MAN2B2: variants seen among roughly 807,000 people sequenced by gnomAD.
MAN2B2 encodes the protein mannosidase alpha class 2B member 2, also known as epididymis-specific alpha-mannosidase.
MAN2B2 carries 106 observed loss-of-function variants against 117.1 expected under a neutral mutation model. The observed-to-expected ratio is 0.90, with a 90% CI of 0.77 to 1.06. The LOEUF is 1.06. Ranked by LOEUF, MAN2B2 falls within the 50% of genes least tolerant of loss-of-function variation. MAN2B2 has a pLI of 0.00. For synonymous variants in MAN2B2, 544 were observed against 595.1 expected, an observed-to-expected ratio of 0.91 and a Z score of 1.25; for missense variants, 1,326 against 1,381.4, an observed-to-expected ratio of 0.96 and a Z score of 0.64.
At chr4:6,613,797 A>G (rs1711708058) in intron 15 of MAN2B2, among the ~76,000 whole-genome samples, 1 of 139,466 alleles carries the variant, frequency 7.2e-6, no homozygotes, top group Non-Finnish European at 1.6e-5. Flanking sequence ...AGAAGGAAGA[A>G]AGGAAGAGGG....
intron 15 of MAN2B2, 130 bp from the exon 16 acceptor site, chr4:6,614,088 G>A: frequency 1.7e-6 from 2 of 1,174,316 alleles, no homozygotes; most frequent in Non-Finnish European, 2.4e-6. Context: ...CTGGTGCGGG[G>A]TAGGCTACCC....
chr4:6,575,956 A>G (rs1726041698), intron 1 of MAN2B2, among the ~76,000 whole-genome samples: 1 of 152,154 alleles, frequency 6.6e-6, no homozygotes, highest in Admixed American at 6.5e-5. Context: ...TCGCTCGGGA[A>G]TAACCCTCAT....
Position 6,610,046 on chromosome 4 carries a change from C to T in MAN2B2, c.2255C>T (p.Ala752Val). The part of the protein sequence containing the change: ...PYVSYVNNSI[A>V]RNYYPMVQSA... Reference sequence around the variant, plus strand: ...GTTTCCTATGTGAACAACAGCATCGCCCGGGTATGTCCTGCAATGCCCACA... The same window carrying T: ...GTTTCCTATGTGAACAACAGCATCGTCCGGGTATGTCCTGCAATGCCCACA... Residue 752 changes from alanine (A) to valine (V), a missense_variant, in exon 13 of 19, where the codon GCC (alanine) becomes GTC (valine). Physicochemically the swap from Ala to Val is moderately conservative, Grantham distance 64. Transcript: ENST00000285599. 1 of 1,614,090 alleles carries T rather than the reference C, an allele frequency of 6.2e-7. No individual in the cohort carries two copies. The highest frequency in any genetic ancestry group is 8.5e-7 in the Non-Finnish European group (1 of 1,179,998).
chr4:6,615,386 C>T (rs1400765756), intron 16 of MAN2B2, among the ~76,000 whole-genome samples: 1 of 152,178 alleles, frequency 6.6e-6, no homozygotes, highest in East Asian at 1.9e-4. Context: ...TGGAACTCCT[C>T]ACCACCACAC....
intron 2 of MAN2B2, 137 bp downstream of exon 2, chr4:6,576,861 C>T (rs773922034): frequency 1.7e-4 from 153 of 919,198 alleles, no homozygotes; most frequent in Admixed American, 2.6e-4. Context: ...CCGGGCTATT[C>T]ACAGCCTTGT....
At chr4:6,620,980 C>G in intron 18 of MAN2B2, 1 of 541,938 alleles carries the variant, frequency 1.8e-6, no homozygotes, top group Non-Finnish European at 3.3e-6. Flanking sequence ...TGCCATAGGC[C>G]GTTGCCACGG....
At position 6,604,458 on chromosome 4, in the gene MAN2B2, G is replaced by A. The variant is rs114323055; in HGVS notation, c.1540-597G>A. Among the ~76,000 whole-genome samples, 928 of 150,874 alleles carry A rather than the reference G, an allele frequency of 6.2e-3. 14 individuals carry two copies. The highest frequency in any genetic ancestry group is 0.022 in the African/African-American group (889 of 40,772). On this transcript the variant is annotated intron_variant, in intron 10 of 18. Transcript: ENST00000285599. ...TTGGTGGTGGGTGGGAGTGGCTGGA[G>A]GATGGGGGATGGGGATTCCTGGGGG...
Position 6,594,690 on chromosome 4 carries a change from T to C in MAN2B2, c.1015T>C (p.Trp339Arg), listed in dbSNP as rs554979749. 1 of 1,612,914 alleles carries C rather than the reference T, an allele frequency of 6.2e-7. No homozygotes were observed. The highest frequency in any genetic ancestry group is 1.7e-5 in the Admixed American group (1 of 60,010). The change falls in exon 7 of 19, where the codon TGG becomes CGG. Residue 339 changes from tryptophan to arginine, a missense_variant. By Grantham distance (101) the Trp-to-Arg change is moderately radical. Transcript: ENST00000285599. ...FRALHALNVTWRVRDHHDFLP... is the reference protein window; with the variant it reads ...FRALHALNVTRRVRDHHDFLP... ...TGCCCTGCACGCTCTCAATGTCACCTGGCGTGTCCGCGACCACCACGACTT... is the reference window on the plus strand; with the variant it reads ...TGCCCTGCACGCTCTCAATGTCACCCGGCGTGTCCGCGACCACCACGACTT...
intron 3 of MAN2B2, among the ~76,000 whole-genome samples, chr4:6,579,500 C>T (rs1352464836): frequency 1.3e-5 from 2 of 149,900 alleles, no homozygotes; most frequent in African/African-American, 5.0e-5. Context: ...CCATCACCAC[C>T]ACCATCATAA....
chr4:6,592,521 T>C (rs924778181), intron 5 of MAN2B2, among the ~76,000 whole-genome samples: 8 of 152,180 alleles, frequency 5.3e-5, no homozygotes, highest in African/African-American at 1.9e-4. Flanking sequence ...AGGCGATGGC[T>C]TGAGCCCGGG....
intron 3 of MAN2B2, among the ~76,000 whole-genome samples, chr4:6,580,298 G>T (rs2108858929): frequency 1.3e-5 from 2 of 152,260 alleles, no homozygotes; most frequent in African/African-American, 4.8e-5. Context: ...AGGCCCAGAG[G>T]TAACAGGGGA....
Position 6,599,650 on chromosome 4 carries a change from G to A in MAN2B2, c.1406-973G>A, listed in dbSNP as rs373903413. On this transcript the variant is annotated intron_variant, in intron 9 of 18. Coordinates refer to ENST00000285599, the MANE Select transcript of MAN2B2 (RefSeq NM_015274.3). ...TGCACTCCAGCCTGGGCGACAGAGC[G>A]AGACTCCGTCTCAAAAAAAAAAAAA... Among the ~76,000 whole-genome samples, 955 of 142,866 alleles carry A rather than the reference G, an allele frequency of 6.7e-3. 16 individuals are homozygous for A. The highest frequency in any genetic ancestry group is 0.022 in the African/African-American group (856 of 38,384). 93.7% of individuals were successfully genotyped at this position (142,866 alleles called of 152,430 possible). A position where few individuals can be genotyped will look rare whatever the true frequency, so the allele number is the denominator to read the frequency against.
At chr4:6,587,341 G>A (rs544917182) in intron 4 of MAN2B2, among the ~76,000 whole-genome samples, 173 bp downstream of exon 4, 45 of 152,304 alleles carry the variant, frequency 3.0e-4, no homozygotes, top group African/African-American at 1.0e-3. Context: ...CCTCCACCAG[G>A]AGGGCCCCCC....
At position 6,576,659 on chromosome 4, in the gene MAN2B2, G is replaced by T; in HGVS notation, c.220G>T (p.Ala74Ser). Residue 74 changes from alanine to serine, a missense_variant, in exon 2 of 19, where the codon GCT (alanine) becomes TCT (serine). Physicochemically the swap from Ala to Ser is moderately conservative, Grantham distance 99. Transcript: ENST00000285599. Reference protein sequence around the residue: ...LARGQQRRFIAVEQEFFRLWW... With the variant: ...LARGQQRRFISVEQEFFRLWW... Reference sequence around the variant, plus strand: ...CCGCGGCCAGCAGCGCCGGTTCATCGCTGTGGAGCAGGAGTTTTTCCGGCT... The same window carrying T: ...CCGCGGCCAGCAGCGCCGGTTCATCTCTGTGGAGCAGGAGTTTTTCCGGCT... 3 of 1,614,004 alleles carry T rather than the reference G, an allele frequency of 1.9e-6. No homozygotes were observed. Among genetic ancestry groups the T allele is most frequent in the Non-Finnish European group, 2.5e-6 (3 of 1,180,018 alleles).
chr4:6,596,682 G>T (rs1241494775), intron 7 of MAN2B2, among the ~76,000 whole-genome samples: 1 of 152,084 alleles, frequency 6.6e-6, no homozygotes, highest in Non-Finnish European at 1.5e-5. Flanking sequence ...CCATGCCCAC[G>T]TCACACATGA....
At chr4:6,602,210 A>G (rs1386902307) in intron 10 of MAN2B2, among the ~76,000 whole-genome samples, 2 of 152,238 alleles carry the variant, frequency 1.3e-5, no homozygotes, top group African/African-American at 4.8e-5. Flanking sequence ...GGGTCACGCT[A>G]TGGGAGATAA....
intron 6 of MAN2B2, 71 bp from the exon 7 acceptor site, chr4:6,594,463 C>A: frequency 1.3e-6 from 2 of 1,485,722 alleles, no homozygotes; most frequent in Non-Finnish European, 1.9e-6. Context: ...TGGAGGGCAG[C>A]GATCGGCCCA....
intron 3 of MAN2B2, among the ~76,000 whole-genome samples, chr4:6,579,307 C>CCATCACCAT (rs1560635039): frequency 3.0e-5 from 2 of 66,754 alleles, no homozygotes; most frequent in African/African-American, 1.0e-4. Flanking sequence ...ACCATCACCA[C>CCATCACCAT]CACCACCACC....
intron 5 of MAN2B2, among the ~76,000 whole-genome samples, chr4:6,591,791 CG>C (rs1281236913): frequency 6.6e-6 from 1 of 152,078 alleles, no homozygotes; most frequent in Non-Finnish European, 1.5e-5. Flanking sequence ...CAGGACCCCC[CG>C]GGGGCAGAGA....
Sources: gnomAD v4.1 joint callset for allele counts (sites outside exome capture counted in the v4.1 genomes callset) on GRCh38, gnomAD v4.1.1 for gene constraint, MANE v1.5 for transcripts, NCBI Gene and HGNC (gene_info 2026-07-23, HGNC 2026-07-21) for gene names.